The following SEC23B variants were observed in gnomAD, a reference collection of about 807,000 sequenced individuals.
SEC23B encodes the protein SEC23 homolog B, COPII component.
SEC23B carries 77 observed loss-of-function variants against 104.3 expected under a neutral mutation model. The observed-to-expected ratio is 0.74, with a 90% CI of 0.61 to 0.89. The LOEUF (loss-of-function observed/expected upper bound fraction) is 0.89, where lower values mean the gene tolerates loss of function less well. Ranked by LOEUF, SEC23B falls within the 40% of genes least tolerant of loss-of-function variation. SEC23B has a pLI of 0.00. For missense variants in SEC23B, 885 were observed against 949.4 expected, an observed-to-expected ratio of 0.93 and a Z score of 0.89; for synonymous variants, 338 against 332.5, an observed-to-expected ratio of 1.02 and a Z score of -0.18.
chr20:18,542,426 T>C (rs371916191), intron 13 of SEC23B, 24 bp downstream of exon 13: 1 of 1,584,154 alleles, frequency 6.3e-7, no homozygotes, highest in Non-Finnish European at 8.7e-7. Flanking sequence ...GTTTCCTTTC[T>C]GTTGAGGAAC....
At chr20:18,554,623 C>G (rs897260316) in intron 18 of SEC23B, among the ~76,000 whole-genome samples, 7 of 151,922 alleles carry the variant, frequency 4.6e-5, no homozygotes, top group African/African-American at 1.7e-4. Context: ...GTCAGGAGAT[C>G]GAGACCATCC....
chr20:18,526,612 C>A, intron 8 of SEC23B, 81 bp downstream of exon 8: 1 of 1,453,052 alleles, frequency 6.9e-7, no homozygotes, highest in Non-Finnish European at 9.7e-7. Context: ...GCTACTTTGC[C>A]AAGGTCATGT....
At chr20:18,556,645 A>G (rs2060440989) in intron 19 of SEC23B, among the ~76,000 whole-genome samples, 1 of 152,024 alleles carries the variant, frequency 6.6e-6, no homozygotes. Flanking sequence ...TTTATTTTCA[A>G]TTTCATTGAT....
chr20:18,514,721 C>T (rs1013316892), intron 3 of SEC23B, among the ~76,000 whole-genome samples: 2 of 152,118 alleles, frequency 1.3e-5, no homozygotes, highest in Admixed American at 1.3e-4. Flanking sequence ...AAACAAGTTC[C>T]ACATTGTATA....
chr20:18,548,778 T>G lies in SEC23B; in HGVS notation c.1905+8T>G, dbSNP rs756904427. The G allele has an allele frequency of 6.2e-7, 1 of 1,613,728 alleles. No individual in the cohort carries two copies. Among genetic ancestry groups the G allele is most frequent in the Non-Finnish European group, 8.5e-7 (1 of 1,179,610 alleles). On this transcript the variant is annotated splice_region_variant and intron_variant, in intron 16 of 19. Transcript: ENST00000650089. ...TTTCATGGGCCACCAGAGGTGAGGC[T>G]CTACCCAAATGCTTTCCTGAGGATT...
In SEC23B at chr20:18,542,310, C is replaced by T; in HGVS notation, c.1419C>T (p.Ile473=). ...FEVVNQHNTP[I]PQGGRGAIQF... The stretch of plus-strand genomic sequence containing the variant: ...TCATCCTACAGCACAACACCCCGAT[C>T]CCCCAAGGAGGCAGAGGAGCCATCC... Residue 473 remains isoleucine, a synonymous_variant, in exon 13 of 20, where the codon ATC becomes ATT. Transcript: ENST00000650089. 6.2e-7 allele frequency: 1 copy of T among 1,614,074 alleles called. No individual in the cohort carries two copies. Among genetic ancestry groups the T allele is most frequent in the South Asian group, 1.1e-5 (1 of 91,084 alleles).
intron 12 of SEC23B, among the ~76,000 whole-genome samples, chr20:18,537,483 C>T (rs957143430): frequency 2.6e-5 from 4 of 151,712 alleles, no homozygotes; most frequent in Admixed American, 2.0e-4. Flanking sequence ...AGTAAACTAT[C>T]GCAAGGACAA....
chr20:18,560,004 A>T (rs1047343321), intron 19 of SEC23B, among the ~76,000 whole-genome samples: 1 of 152,112 alleles, frequency 6.6e-6, no homozygotes. Flanking sequence ...GAAAATTTGA[A>T]TATGTTTTAA....
chr20:18,514,246 G>A (rs968798492), intron 3 of SEC23B, among the ~76,000 whole-genome samples: 8 of 152,124 alleles, frequency 5.3e-5, no homozygotes, highest in Non-Finnish European at 1.0e-4. Flanking sequence ...GGTGATCTCC[G>A]TCTCCTTTGC....
At chr20:18,545,682 T>C (rs2122137166) in intron 14 of SEC23B, among the ~76,000 whole-genome samples, 1 of 152,316 alleles carries the variant, frequency 6.6e-6, no homozygotes, top group East Asian at 1.9e-4. Flanking sequence ...ACCTAGCTTC[T>C]CTGGTTAGGG....
chr20:18,551,222 G>A (rs774193968), intron 17 of SEC23B, 47 bp downstream of exon 17: 1 of 1,059,140 alleles, frequency 9.4e-7, no homozygotes, highest in Non-Finnish European at 1.4e-6. Context: ...TTTTTAAATT[G>A]GAGAAAAGGC....
In SEC23B at chr20:18,527,601, A is replaced by G. The variant is rs1331397141; in HGVS notation, c.1099A>G (p.Asn367Asp). Residue 367 changes from asparagine to aspartate, a missense_variant, in exon 9 of 20, where the codon AAT becomes GAT. Transcript: ENST00000650089. ...ACTTTTGGAGATGAAGTGTTGTGCA[A>G]ATCTTACTGGGTATGTTGACAGTGA... is the stretch of plus-strand genomic sequence containing the variant. ...TGLLEMKCCA[N>D]LTGGYMVMGD... 11 of 1,591,292 alleles carry G rather than the reference A, an allele frequency of 6.9e-6. No individual in the cohort carries two copies. Among genetic ancestry groups the G allele is most frequent in the South Asian group, 1.1e-5 (1 of 90,648 alleles).
chr20:18,524,374 A>G, intron 4 of SEC23B, 59 bp from the exon 5 acceptor site: 1 of 1,300,166 alleles, frequency 7.7e-7, no homozygotes, highest in Non-Finnish European at 1.1e-6. Flanking sequence ...TTTGCCTTAA[A>G]AAGTGCTGGT....
rs376426911 is a variant in SEC23B at position 18,524,929 on chromosome 20, T to C, written c.604-6T>C. ...AATGAATCTTTTTGGCTTTTTTTTT[T>C]TTAAGGATATGTTGGGCCTGACCAA... On this transcript the variant is annotated splice_region_variant and splice_polypyrimidine_tract_variant and intron_variant, in intron 5 of 19. Transcript: ENST00000650089. The C allele has an allele frequency of 3.2e-5, 51 of 1,613,770 alleles. No homozygotes were observed. In the Middle Eastern group the frequency reaches 1.3e-3, roughly 42 times the overall value.
intron 16 of SEC23B, among the ~76,000 whole-genome samples, chr20:18,549,132 AG>A (rs2060362195): frequency 6.6e-6 from 1 of 152,146 alleles, no homozygotes; most frequent in African/African-American, 2.4e-5. Flanking sequence ...ACTATAATAG[AG>A]GATCAAATAA....
intron 11 of SEC23B, among the ~76,000 whole-genome samples, chr20:18,533,499 G>C (rs2060203782): frequency 6.6e-6 from 1 of 152,160 alleles, no homozygotes; most frequent in Non-Finnish European, 1.5e-5. Flanking sequence ...GGACTTATTT[G>C]CTCTGTGATT....
intron 19 of SEC23B, 137 bp downstream of exon 19, chr20:18,555,310 C>A: frequency 1.4e-6 from 1 of 735,922 alleles, no homozygotes; most frequent in Non-Finnish European, 2.3e-6. Flanking sequence ...TGGGGAGTGG[C>A]GGGGAGGGAA....
intron 17 of SEC23B, among the ~76,000 whole-genome samples, chr20:18,551,487 G>A (rs2060386383): frequency 6.6e-6 from 1 of 152,140 alleles, no homozygotes; most frequent in Admixed American, 6.5e-5. Context: ...GCTGAGGTGG[G>A]CAGATCACCT....
In SEC23B at chr20:18,512,282, G is replaced by T; in HGVS notation, c.279G>T (p.Gln93His). 6.4e-7 allele frequency: 1 copy of T among 1,555,044 alleles called. No individual in the cohort carries two copies. The highest frequency in any genetic ancestry group is 8.9e-7 in the Non-Finnish European group (1 of 1,129,854). ...GTAATTTCTGTTTTCAAAGAAATCA[G>T]GTATGTGAATTATTTTTAAAAAATG... is the stretch of plus-strand genomic sequence containing the variant. Reference protein sequence around the residue: ...WACNFCFQRNQFPPAYGGISE... With the variant: ...WACNFCFQRNHFPPAYGGISE... Residue 93 changes from glutamine (Q) to histidine (H), a missense_variant and splice_region_variant, in exon 3 of 20, where the codon CAG (glutamine) becomes CAT (histidine). Coordinates refer to ENST00000650089, the MANE Select transcript of SEC23B (RefSeq NM_006363.6).
Sources: allele counts gnomAD v4.1 joint callset (sites outside exome capture counted in the v4.1 genomes callset), GRCh38; gene constraint gnomAD v4.1.1; transcripts MANE v1.5; gene names NCBI Gene and HGNC (gene_info 2026-07-23, HGNC 2026-07-21).